SMIM35: variants seen among roughly 807,000 people sequenced by gnomAD.
The protein encoded by SMIM35 is small integral membrane protein 35, also known as TMPRSS4 antisense RNA 1 (non-protein coding).
At chr11:118,056,197 C>T (rs966372626) in intron 1 of SMIM35, among the ~76,000 whole-genome samples, 1 of 151,988 alleles carries the variant, frequency 6.6e-6, no homozygotes, top group African/African-American at 2.4e-5. Context: ...TCACTTGGGC[C>T]AGGGTTGGGA....
At chr11:118,009,737 A>T (rs2058141186) in intron 4 of SMIM35, among the ~76,000 whole-genome samples, 1 of 152,152 alleles carries the variant, frequency 6.6e-6, no homozygotes, top group South Asian at 2.1e-4. Flanking sequence ...AAAAAAAAAA[A>T]AAAAAAAGTA....
At chr11:118,030,096 G>A (rs1056799287) in intron 1 of SMIM35, among the ~76,000 whole-genome samples, 8 of 151,966 alleles carry the variant, frequency 5.3e-5, no homozygotes, top group Admixed American at 1.3e-4. Flanking sequence ...GTGCAGTGGC[G>A]TGATCTCGGC....
chr11:118,019,942 G>A (rs759488345), intron 1 of SMIM35, among the ~76,000 whole-genome samples: 1 of 152,106 alleles, frequency 6.6e-6, no homozygotes, highest in Non-Finnish European at 1.5e-5. Context: ...GACAAACACT[G>A]CTACATTATC....
At chr11:118,085,039 C>T (rs986436545) in intron 1 of SMIM35, among the ~76,000 whole-genome samples, 4 of 152,138 alleles carry the variant, frequency 2.6e-5, no homozygotes, top group Non-Finnish European at 5.9e-5. Context: ...CTCCTGGGGG[C>T]TTGCAAAGGT....
rs557928069 is a variant in SMIM35, at chr11:118,029,840, A to G, written c.8-14031T>C. The G allele has an allele frequency of 1.2e-4, 57 of 456,074 alleles. 2 individuals carry two copies. Among genetic ancestry groups the G allele is most frequent in the South Asian group, 8.8e-4 (57 of 64,446 alleles). The allele number at this position is 456,074 out of a possible 1,614,324, so 28.3% of individuals were successfully genotyped here. ...TTCTTCCCTTTGTTTCCGCAGTCTT[A>G]ATGCTAGCATCTGCCTCCTGCATTG... On this transcript the variant is annotated intron_variant, in intron 1 of 4. Transcript: ENST00000689828.
intron 1 of SMIM35, among the ~76,000 whole-genome samples, chr11:118,070,006 A>T (rs182916551): frequency 1.4e-4 from 22 of 152,300 alleles, no homozygotes; most frequent in Admixed American, 1.0e-3. Context: ...GGTTGCAGTG[A>T]GTCGAGATCA....
At chr11:118,052,364 C>A (rs594603) in intron 1 of SMIM35, among the ~76,000 whole-genome samples, 1 of 151,992 alleles carries the variant, frequency 6.6e-6, no homozygotes, top group Non-Finnish European at 1.5e-5. Context: ...CTGCTGAGGG[C>A]AGGCTGGGGC....
chr11:118,058,637 C>T (rs956229261), intron 1 of SMIM35, among the ~76,000 whole-genome samples: 9 of 152,202 alleles, frequency 5.9e-5, no homozygotes, highest in Non-Finnish European at 1.3e-4. Flanking sequence ...GCAGGTGCCT[C>T]TCTATCAAAG....
intron 1 of SMIM35, among the ~76,000 whole-genome samples, chr11:118,068,132 A>G (rs1054710420): frequency 4.0e-5 from 6 of 151,836 alleles, no homozygotes; most frequent in African/African-American, 1.5e-4. Flanking sequence ...GGAGCCATGT[A>G]TGATTCATCT....
Position 118,066,230 on chromosome 11 carries a change from G to A in SMIM35, c.7+20521C>T, listed in dbSNP as rs573057580. On this transcript the variant is annotated intron_variant, in intron 1 of 4. Coordinates refer to ENST00000689828, the MANE Select transcript of SMIM35 (RefSeq NM_001394165.1). ...TCCCCCAGACACCTGGAAATACCCC[G>A]GGATTGGATCTCTTCGCCCTTGTTT... Among the ~76,000 whole-genome samples the A allele has an allele frequency of 8.4e-4, 128 of 152,128 alleles. 1 individual carries two copies. Among genetic ancestry groups the A allele is most frequent in the Middle Eastern group, 3.4e-3 (1 of 294 alleles).
intron 1 of SMIM35, among the ~76,000 whole-genome samples, chr11:118,017,445 G>T (rs982499070): frequency 6.6e-6 from 1 of 152,200 alleles, no homozygotes; most frequent in African/African-American, 2.4e-5. Context: ...CCACAAGAGA[G>T]ACAGGGAAGT....
At chr11:118,022,065 G>A (rs2135036621) in intron 1 of SMIM35, among the ~76,000 whole-genome samples, 1 of 143,016 alleles carries the variant, frequency 7.0e-6, no homozygotes, top group Admixed American at 7.0e-5. Flanking sequence ...GATGGAGATG[G>A]AGTTTTGCTC....
At chr11:118,071,326 A>G (rs539447795) in intron 1 of SMIM35, among the ~76,000 whole-genome samples, 35 of 152,344 alleles carry the variant, frequency 2.3e-4, no homozygotes, top group African/African-American at 8.4e-4. Context: ...ATTCTTTGGT[A>G]CAGATAATTG....
At chr11:118,016,921 T>C (rs1383113574) in intron 1 of SMIM35, among the ~76,000 whole-genome samples, 1 of 152,208 alleles carries the variant, frequency 6.6e-6, no homozygotes, top group Non-Finnish European at 1.5e-5. Flanking sequence ...TATTTCACAA[T>C]TCTCCCATTA....
In SMIM35 at chr11:118,016,910, G is replaced by T. The variant is rs140236852; in HGVS notation, c.8-1101C>A. On this transcript the variant is annotated intron_variant, in intron 1 of 4. Transcript: ENST00000689828. The stretch of plus-strand genomic sequence containing the variant: ...CAAATGGTGCAACTGTATTTTTTAA[G>T]TATTTCACAATTCTCCCATTAAAAA... 2.0e-5 allele frequency among the ~76,000 whole-genome samples: 3 copies of T among 152,252 alleles called. No individual in the cohort carries two copies. In the East Asian group the frequency reaches 5.8e-4, roughly 29 times the overall value.
intron 1 of SMIM35, among the ~76,000 whole-genome samples, chr11:118,081,613 T>C (rs1430539518): frequency 2.6e-5 from 4 of 152,208 alleles, no homozygotes; most frequent in Non-Finnish European, 5.9e-5. Context: ...TGCGCACCTG[T>C]CCAGGGGTGG....
At chr11:118,017,569 G>A (rs1003978530) in intron 1 of SMIM35, among the ~76,000 whole-genome samples, 3 of 152,152 alleles carry the variant, frequency 2.0e-5, no homozygotes, top group Non-Finnish European at 4.4e-5. Context: ...CAGAAAGAAA[G>A]CATTGTGAAG....
chr11:118,061,325 C>T (rs139180012), intron 1 of SMIM35, among the ~76,000 whole-genome samples: 100 of 152,320 alleles, frequency 6.6e-4, no homozygotes, highest in Middle Eastern at 6.8e-3. Flanking sequence ...AAATAATGCC[C>T]ACCTCACAAG....
At chr11:118,035,082 G>T (rs923994904) in intron 1 of SMIM35, among the ~76,000 whole-genome samples, 2 of 151,898 alleles carry the variant, frequency 1.3e-5, no homozygotes, top group Non-Finnish European at 2.9e-5. Context: ...CTCCTGAGTA[G>T]CTGGGACCGT....
Sources: gnomAD v4.1 joint callset for allele counts (sites outside exome capture counted in the v4.1 genomes callset) on GRCh38, gnomAD v4.1.1 for gene constraint, MANE v1.5 for transcripts, NCBI Gene and HGNC (gene_info 2026-07-23, HGNC 2026-07-21) for gene names.